The following NIPBL variants were observed in gnomAD, a reference collection of about 807,000 sequenced individuals.
NIPBL encodes nipped-B-like protein.
In NIPBL, 19 loss-of-function variants were observed where a neutral mutation model predicts 321.8. The ratio of observed to expected loss-of-function variants is 0.06; its 90% CI spans 0.04 to 0.09. The LOEUF (loss-of-function observed/expected upper bound fraction) is 0.09, where lower values mean the gene tolerates loss of function less well. NIPBL is among the 10% of genes least tolerant of loss of function. The probability of loss-of-function intolerance (pLI) is 1.00; values close to 1 mark genes in which losing one functional copy is unlikely to be tolerated. For missense variants in NIPBL, 2,210 were observed against 3,327.0 expected (o/e 0.66, Z 8.26); for synonymous variants, 1,106 against 1,114.1 (o/e 0.99, Z 0.14).
Position 36,917,384 on chromosome 5 carries a change from A to AT in NIPBL, c.-79-36232dup, listed in dbSNP as rs1321563465. Among the ~76,000 whole-genome samples, 14 of 152,178 alleles carry AT rather than the reference A, an allele frequency of 9.2e-5. No homozygotes were observed. In the East Asian group the frequency reaches 2.5e-3, roughly 27 times the overall value. On this transcript the variant is annotated intron_variant, in intron 1 of 46. Coordinates refer to ENST00000282516, the MANE Select transcript of NIPBL (RefSeq NM_133433.4). ...TTTGAGTTCTTTGTAGATTCTGGATATTAGCCCTTTGTCAGATGAGTGGAT... is the reference window on the plus strand; with the variant it reads ...TTTGAGTTCTTTGTAGATTCTGGATATTTAGCCCTTTGTCAGATGAGTGGAT...
At chr5:36,920,709 A>T (rs919025340) in intron 1 of NIPBL, among the ~76,000 whole-genome samples, 3 of 152,086 alleles carry the variant, frequency 2.0e-5, no homozygotes, top group African/African-American at 7.2e-5. Context: ...TGCTGCTGTG[A>T]TCACCCGCCA....
intron 32 of NIPBL, 36 bp from the exon 33 acceptor site, chr5:37,036,343 A>ATG (rs1561193529): frequency 2.2e-6 from 1 of 457,474 alleles, no homozygotes; most frequent in Non-Finnish European, 3.1e-6. Context: ...TTGTATATAT[A>ATG]TATGTATATA....
At chr5:36,887,739 T>G (rs1000414409) in intron 1 of NIPBL, among the ~76,000 whole-genome samples, 10 of 152,174 alleles carry the variant, frequency 6.6e-5, no homozygotes, top group African/African-American at 2.2e-4. Flanking sequence ...TGCTGATGAC[T>G]CACAAATCTA....
chr5:36,892,126 C>G (rs992342749), intron 1 of NIPBL, among the ~76,000 whole-genome samples: 15 of 152,130 alleles, frequency 9.9e-5, no homozygotes, highest in Non-Finnish European at 2.1e-4. Context: ...ATGACTTTTA[C>G]AGCTGACCTA....
chr5:37,046,993 C>T (rs554430760), intron 38 of NIPBL, among the ~76,000 whole-genome samples: 2 of 152,154 alleles, frequency 1.3e-5, no homozygotes, highest in East Asian at 1.9e-4. Context: ...AAAAATTACA[C>T]CTGTACTAAA....
chr5:36,986,322 G>A (rs1198023868), intron 10 of NIPBL, 21 bp downstream of exon 10: 7 of 1,419,584 alleles, frequency 4.9e-6, no homozygotes, highest in Admixed American at 4.9e-5. Flanking sequence ...TTCTACTGAT[G>A]TCATTTATAA....
In NIPBL at chr5:37,044,719, T is replaced by C. The variant is rs1316467123; in HGVS notation, c.6333T>C (p.Asn2111=). Residue 2111 remains asparagine, a synonymous_variant, in exon 36 of 47, where the codon AAT becomes AAC. Coordinates refer to ENST00000282516, the MANE Select transcript of NIPBL (RefSeq NM_133433.4). ...QNFKFVWACF[N]RYYGAISKLK... ...TTAAATTTGTGTGGGCTTGTTTCAA[T>C]AGATACTATGGTAAGTTCAATACCA... 10 of 1,610,610 alleles carry C rather than the reference T, an allele frequency of 6.2e-6. No homozygotes were observed. The highest frequency in any genetic ancestry group is 7.6e-6 in the Non-Finnish European group (9 of 1,176,794).
chr5:36,914,316 C>T lies in NIPBL; in HGVS notation c.-80+37138C>T, dbSNP rs563060875. On this transcript the variant is annotated intron_variant, in intron 1 of 46. Coordinates refer to ENST00000282516, the MANE Select transcript of NIPBL (RefSeq NM_133433.4). ...CAAGAAATATGCGTAGCCTTTAAAC[C>T]TATGGATAATGGCCATTGTTGCCAT... Among the ~76,000 whole-genome samples the T allele has an allele frequency of 7.2e-5, 11 of 152,270 alleles. No individual in the cohort carries two copies. In the East Asian group the frequency reaches 2.1e-3, roughly 29 times the overall value.
chr5:37,027,107 A>G (rs1561179847), intron 31 of NIPBL, among the ~76,000 whole-genome samples: 1 of 152,174 alleles, frequency 6.6e-6, no homozygotes, highest in African/African-American at 2.4e-5. Flanking sequence ...AACTTATGCC[A>G]CTTTAAACAT....
At chr5:37,060,583 G>A (rs1263302033) in intron 44 of NIPBL, among the ~76,000 whole-genome samples, 1 of 152,116 alleles carries the variant, frequency 6.6e-6, no homozygotes, top group Non-Finnish European at 1.5e-5. Context: ...TTAATAACCT[G>A]AAACAGGTTT....
Position 36,891,140 on chromosome 5 carries a change from CT to C in NIPBL, c.-80+13963del, listed in dbSNP as rs2149524107. On this transcript the variant is annotated intron_variant, in intron 1 of 46. Transcript: ENST00000282516. ...ATTAGCCAGGCACAGTGGCGGGCGC[CT>C]GTAGTTCCAGCTGCTTGGGAGGCTG... Among the ~76,000 whole-genome samples the C allele has an allele frequency of 2.0e-5, 3 of 152,156 alleles. No individual in the cohort carries two copies. In the South Asian group the frequency reaches 6.2e-4, roughly 32 times the overall value.
intron 9 of NIPBL, among the ~76,000 whole-genome samples, chr5:36,980,073 A>G (rs764105902): frequency 5.1e-4 from 78 of 151,906 alleles, no homozygotes; most frequent in Non-Finnish European, 9.6e-4. Context: ...TACTTATAAA[A>G]ATGGAATTAA....
At chr5:36,928,113 G>A (rs900248566) in intron 1 of NIPBL, among the ~76,000 whole-genome samples, 1 of 152,154 alleles carries the variant, frequency 6.6e-6, no homozygotes, top group Non-Finnish European at 1.5e-5. Context: ...TCTTGAACAC[G>A]TAATTTCATC....
In NIPBL at chr5:36,985,386, C is replaced by A; in HGVS notation, c.2206C>A (p.Pro736Thr). ...GAAGGGTGATGGAAGGCCTGAAACT[C>A]CAAAGCAAAAAGGTGAGAGCCGCCC... is the stretch of plus-strand genomic sequence containing the variant. ...KQKGDGRPETPKQKGESRPET... is the reference protein window; with the variant it reads ...KQKGDGRPETTKQKGESRPET... Residue 736 changes from proline to threonine, a missense_variant, in exon 10 of 47, where the codon CCA (proline) becomes ACA (threonine). Pro to Thr is a conservative substitution (Grantham distance 38). Around this residue, in one of 14 missense-constraint regions of NIPBL, gnomAD observed 588 missense variants for 564.1 expected, o/e 1.04. Coordinates refer to ENST00000282516, the MANE Select transcript of NIPBL (RefSeq NM_133433.4). The A allele has an allele frequency of 1.9e-6, 3 of 1,613,550 alleles. No homozygotes were observed. The highest frequency in any genetic ancestry group is 2.5e-6 in the Non-Finnish European group (3 of 1,179,914).
Position 37,011,470 on chromosome 5 carries a change from G to A in NIPBL, c.4560+1245G>A, listed in dbSNP as rs1390280145. ...CTCAGGAGGCTGAAACAGGAGGGTC[G>A]ATTGAGCCTTGAGAGATCGAGACTC... On this transcript the variant is annotated intron_variant, in intron 21 of 46. Coordinates refer to ENST00000282516, the MANE Select transcript of NIPBL (RefSeq NM_133433.4). Among the ~76,000 whole-genome samples, 9 of 152,258 alleles carry A rather than the reference G, an allele frequency of 5.9e-5. No homozygotes were observed. The South Asian group carries it at 6.2e-4, about 11-fold the overall frequency.
intron 1 of NIPBL, among the ~76,000 whole-genome samples, chr5:36,880,577 T>C (rs1745427102): frequency 1.3e-5 from 2 of 152,016 alleles, no homozygotes. Flanking sequence ...TGGGAAATAA[T>C]TGACTAGGAA....
At chr5:37,054,502 C>G (rs1276780220) in intron 42 of NIPBL, among the ~76,000 whole-genome samples, 1 of 152,166 alleles carries the variant, frequency 6.6e-6, no homozygotes, top group Non-Finnish European at 1.5e-5. Context: ...GTTAGTATAT[C>G]CTGAGTGCCC....
intron 1 of NIPBL, among the ~76,000 whole-genome samples, chr5:36,924,705 C>G (rs1749216664): frequency 6.6e-6 from 1 of 152,210 alleles, no homozygotes; most frequent in Non-Finnish European, 1.5e-5. Context: ...ATAGCTGACA[C>G]TAACTGCTGT....
At chr5:36,911,471 T>C (rs1748045034) in intron 1 of NIPBL, among the ~76,000 whole-genome samples, 4 of 152,226 alleles carry the variant, frequency 2.6e-5, no homozygotes, top group African/African-American at 7.2e-5. Flanking sequence ...CCTTCTGGCC[T>C]TTCCTATTTA....
Sources: gnomAD v4.1 joint callset for allele counts (sites outside exome capture counted in the v4.1 genomes callset) on GRCh38, gnomAD v4.1.1 for gene constraint, gnomAD v4.1.1 regional missense constraint, MANE v1.5 for transcripts, NCBI Gene and HGNC (gene_info 2026-07-23, HGNC 2026-07-21) for gene names.